The following SNTG1 variants were observed in gnomAD, a reference collection of about 807,000 sequenced individuals.
SNTG1 encodes the protein syntrophin gamma 1.
Under a neutral mutation model 74.7 loss-of-function variants are expected in SNTG1, and 39 were observed. The ratio of observed to expected loss-of-function variants is 0.52; its 90% confidence interval spans 0.40 to 0.68. SNTG1 has a LOEUF of 0.68. SNTG1 is among the 30% of genes least tolerant of loss of function. The pLI, the probability that SNTG1 is intolerant of heterozygous loss-of-function variation, is 0.00. For missense variants in SNTG1, 685 were observed against 609.5 expected, an observed-to-expected ratio of 1.12 and a Z score of -1.30; for synonymous variants, 254 against 217.1, an observed-to-expected ratio of 1.17 and a Z score of -1.49.
intron 12 of SNTG1, chr8:50,569,035 C>T (rs1345772685): frequency 6.6e-6 from 1 of 152,110 alleles, no homozygotes; most frequent in African/African-American, 2.4e-5. Context: ...AGAAAATTTC[C>T]CAGAAACCCT....
chr8:50,035,869 C>A (rs746198097), intron 1 of SNTG1, among the ~76,000 whole-genome samples: 1 of 152,104 alleles, frequency 6.6e-6, no homozygotes, highest in Non-Finnish European at 1.5e-5. Flanking sequence ...GTTAAGCTCT[C>A]GGACAGATGT....
intron 2 of SNTG1, among the ~76,000 whole-genome samples, chr8:50,273,527 G>A (rs1586919831): frequency 6.6e-6 from 1 of 152,174 alleles, no homozygotes; most frequent in African/African-American, 2.4e-5. Context: ...CTGTGTGTAG[G>A]TTAAGTCATT....
intron 2 of SNTG1, among the ~76,000 whole-genome samples, chr8:50,256,640 T>C (rs755811593): frequency 2.8e-4 from 43 of 152,046 alleles, no homozygotes; most frequent in Non-Finnish European, 3.5e-4. Context: ...TTAATAAATA[T>C]TTTGTAAGAA....
At chr8:50,081,193 A>G (rs1324925546) in intron 1 of SNTG1, among the ~76,000 whole-genome samples, 1 of 152,134 alleles carries the variant, frequency 6.6e-6, no homozygotes, top group Non-Finnish European at 1.5e-5. Context: ...AAAAATATTT[A>G]TATTTTGCCT....
chr8:50,433,472 G>A (rs950919564), intron 4 of SNTG1, among the ~76,000 whole-genome samples: 3 of 85,270 alleles, frequency 3.5e-5, no homozygotes, highest in Admixed American at 1.4e-4. Context: ...TGCACCATGA[G>A]TTTTCTGTTT....
At chr8:50,625,296 C>G (rs1243512431) in intron 13 of SNTG1, among the ~76,000 whole-genome samples, 1 of 152,164 alleles carries the variant, frequency 6.6e-6, no homozygotes, top group Non-Finnish European at 1.5e-5. Context: ...AGGCATTGCC[C>G]CAGATGTGGC....
At chr8:50,788,679 T>C (rs1009268086) in intron 18 of SNTG1, among the ~76,000 whole-genome samples, 4 of 152,032 alleles carry the variant, frequency 2.6e-5, no homozygotes, top group African/African-American at 9.7e-5. Flanking sequence ...CCTAAAATGA[T>C]ATCTATAAGT....
At chr8:50,030,724 C>A (rs1817672742) in intron 1 of SNTG1, among the ~76,000 whole-genome samples, 1 of 152,006 alleles carries the variant, frequency 6.6e-6, no homozygotes, top group African/African-American at 2.4e-5. Flanking sequence ...CCTCCACCAA[C>A]ACCACAAAAT....
intron 2 of SNTG1, among the ~76,000 whole-genome samples, chr8:50,215,482 T>A (rs1247740198): frequency 6.8e-6 from 1 of 147,498 alleles, no homozygotes; most frequent in Non-Finnish European, 1.5e-5. Flanking sequence ...ATATAGACTA[T>A]ATATATATAG....
At chr8:50,580,570 T>C (rs1233656313) in intron 12 of SNTG1, among the ~76,000 whole-genome samples, 1 of 152,006 alleles carries the variant, frequency 6.6e-6, no homozygotes, top group Non-Finnish European at 1.5e-5. Context: ...AACTGAATCA[T>C]GGGGATGGTT....
At chr8:49,924,797 G>C (rs1012848128) in intron 1 of SNTG1, among the ~76,000 whole-genome samples, 1 of 151,782 alleles carries the variant, frequency 6.6e-6, no homozygotes, top group Non-Finnish European at 1.5e-5. Flanking sequence ...GAAGAGGCAA[G>C]TTGTAAGTCT....
chr8:49,994,326 G>T lies in SNTG1; in HGVS notation c.-103+82095G>T, dbSNP rs1159376033. ...GCTAGAGTGCAATGGCCCAATCTCG[G>T]CTCACTGCAACCTCTGCCTCTTGGA... is the stretch of plus-strand genomic sequence containing the variant. On this transcript the variant is annotated intron_variant, in intron 1 of 18. Transcript: ENST00000642720. 2.0e-5 allele frequency among the ~76,000 whole-genome samples: 3 copies of T among 148,096 alleles called. No homozygotes were observed. The East Asian group carries it at 5.9e-4, about 29-fold the overall frequency.
chr8:50,653,151 A>T (rs954090523), intron 13 of SNTG1, among the ~76,000 whole-genome samples: 2 of 151,990 alleles, frequency 1.3e-5, no homozygotes, highest in African/African-American at 4.8e-5. Flanking sequence ...AGTGTAAAAA[A>T]CTTCATAAGA....
At chr8:50,156,916 T>A (rs2082272497) in intron 1 of SNTG1, among the ~76,000 whole-genome samples, 1 of 152,120 alleles carries the variant, frequency 6.6e-6, no homozygotes, top group South Asian at 2.1e-4. Flanking sequence ...ACAAGCACTG[T>A]GTGAAATGTA....
intron 2 of SNTG1, among the ~76,000 whole-genome samples, chr8:50,300,492 GA>G (rs1297739542): frequency 2.0e-5 from 3 of 151,882 alleles, no homozygotes; most frequent in Admixed American, 1.3e-4. Flanking sequence ...ATAAGAATGG[GA>G]AAAAAAGTAT....
At chr8:50,292,119 A>G (rs1185973924) in intron 2 of SNTG1, among the ~76,000 whole-genome samples, 1 of 152,190 alleles carries the variant, frequency 6.6e-6, no homozygotes, top group African/African-American at 2.4e-5. Flanking sequence ...AAAATACGGT[A>G]TCCATCAGTA....
intron 17 of SNTG1, among the ~76,000 whole-genome samples, chr8:50,714,666 T>A (rs2095470835): frequency 6.6e-6 from 1 of 151,648 alleles, no homozygotes; most frequent in South Asian, 2.1e-4. Context: ...ATGATCAGAG[T>A]GTAACCTGAG....
intron 2 of SNTG1, among the ~76,000 whole-genome samples, chr8:50,373,075 A>G (rs929072966): frequency 2.6e-5 from 4 of 152,238 alleles, no homozygotes; most frequent in African/African-American, 9.6e-5. Context: ...TTATCTACAG[A>G]GAACAGAGGG....
intron 2 of SNTG1, among the ~76,000 whole-genome samples, chr8:50,206,104 G>T (rs1378591297): frequency 6.6e-6 from 1 of 152,176 alleles, no homozygotes; most frequent in Non-Finnish European, 1.5e-5. Flanking sequence ...ATTCTGTGAA[G>T]AAAGTCATTG....
Sources: allele counts gnomAD v4.1 joint callset (sites outside exome capture counted in the v4.1 genomes callset), GRCh38; gene constraint gnomAD v4.1.1; transcripts MANE v1.5; gene names NCBI Gene and HGNC (gene_info 2026-07-23, HGNC 2026-07-21).